The following MARCHF1 variants were observed in gnomAD, a reference collection of about 807,000 sequenced individuals.
MARCHF1 encodes the protein E3 ubiquitin-protein ligase MARCHF1.
Under a neutral mutation model 54.2 loss-of-function variants are expected in MARCHF1, and 40 were observed. The observed-to-expected ratio is 0.74, with a 90% confidence interval of 0.57 to 0.96. The LOEUF (loss-of-function observed/expected upper bound fraction) is 0.96. Among genes scored for constraint, MARCHF1 ranks in the 40% least tolerant of loss-of-function variants. The pLI, the probability that MARCHF1 is intolerant of heterozygous loss-of-function variation, is 0.00. For missense variants in MARCHF1, 586 were observed against 656.5 expected, an observed-to-expected ratio of 0.89 and a Z score of 1.17; for synonymous variants, 236 against 236.3, an observed-to-expected ratio of 1.00 and a Z score of 0.01.
chr4:163,600,773 A>G (rs191803583), intron 7 of MARCHF1, among the ~76,000 whole-genome samples: 1 of 152,318 alleles, frequency 6.6e-6, no homozygotes, highest in East Asian at 1.9e-4. Context: ...ACAAGCTGGT[A>G]AAAATCAGGC....
At chr4:163,912,313 G>C (rs565176413) in intron 3 of MARCHF1, among the ~76,000 whole-genome samples, 1 of 152,180 alleles carries the variant, frequency 6.6e-6, no homozygotes, top group Admixed American at 6.6e-5. Flanking sequence ...AATAGATACT[G>C]GCAGACAAGG....
chr4:164,214,474 C>A (rs983085924), intron 1 of MARCHF1, among the ~76,000 whole-genome samples: 7 of 151,598 alleles, frequency 4.6e-5, no homozygotes, highest in African/African-American at 1.5e-4. Context: ...TAAAAAAAAA[C>A]CCTCCACTTT....
intron 1 of MARCHF1, among the ~76,000 whole-genome samples, chr4:164,337,581 C>A (rs529131164): frequency 6.6e-6 from 1 of 152,312 alleles, no homozygotes; most frequent in Non-Finnish European, 1.5e-5. Context: ...CCTTAGTAAC[C>A]AATCTGTGGA....
chr4:163,710,403 G>A (rs1269765679), intron 4 of MARCHF1, among the ~76,000 whole-genome samples: 2 of 151,958 alleles, frequency 1.3e-5, no homozygotes, highest in Admixed American at 6.6e-5. Context: ...TATTAATCAC[G>A]ACCATGAATA....
At chr4:163,643,879 A>G (rs977072015) in intron 5 of MARCHF1, among the ~76,000 whole-genome samples, 7 of 152,152 alleles carry the variant, frequency 4.6e-5, no homozygotes, top group Admixed American at 6.5e-5. Context: ...AGAAAATTAT[A>G]TATATTCTTA....
chr4:164,079,659 T>A (rs1179637544), intron 2 of MARCHF1, among the ~76,000 whole-genome samples: 1 of 152,096 alleles, frequency 6.6e-6, no homozygotes, highest in Non-Finnish European at 1.5e-5. Context: ...TCCTAGGTAT[T>A]TATACTCATT....
intron 1 of MARCHF1, among the ~76,000 whole-genome samples, chr4:164,117,311 T>C (rs1755958805): frequency 6.6e-6 from 1 of 151,962 alleles, no homozygotes; most frequent in Non-Finnish European, 1.5e-5. Flanking sequence ...TCTGCTTGAA[T>C]ATAAATTTTT....
At chr4:164,150,658 T>C (rs575527148) in intron 1 of MARCHF1, among the ~76,000 whole-genome samples, 1 of 152,288 alleles carries the variant, frequency 6.6e-6, no homozygotes, top group Non-Finnish European at 1.5e-5. Context: ...GTCGATTCTC[T>C]TCTACTCTAG....
chr4:164,374,007 T>C (rs1731114157), intron 1 of MARCHF1, among the ~76,000 whole-genome samples: 1 of 152,250 alleles, frequency 6.6e-6, no homozygotes, highest in Non-Finnish European at 1.5e-5. Context: ...TTCTAATAGT[T>C]GATAACCAAC....
At chr4:164,268,472 C>T (rs891695560) in intron 1 of MARCHF1, among the ~76,000 whole-genome samples, 3 of 152,168 alleles carry the variant, frequency 2.0e-5, no homozygotes, top group Non-Finnish European at 2.9e-5. Context: ...TGAGCTCCCA[C>T]TGTCCATCTG....
chr4:163,756,878 T>C (rs896125878), intron 4 of MARCHF1, among the ~76,000 whole-genome samples: 1 of 151,964 alleles, frequency 6.6e-6, no homozygotes, highest in Non-Finnish European at 1.5e-5. Context: ...ATATCTCAAA[T>C]GAAAGAAAGC....
chr4:163,608,112 T>C (rs555166728), intron 7 of MARCHF1, among the ~76,000 whole-genome samples: 1 of 152,272 alleles, frequency 6.6e-6, no homozygotes, highest in South Asian at 2.1e-4. Flanking sequence ...TTCCAGGTAC[T>C]TTGGATTTTG....
intron 2 of MARCHF1, among the ~76,000 whole-genome samples, chr4:164,078,881 G>A (rs1406725140): frequency 6.6e-6 from 1 of 151,874 alleles, no homozygotes; most frequent in Non-Finnish European, 1.5e-5. Context: ...TAACAAACCT[G>A]CACGTTGTGC....
At chr4:164,031,412 T>C (rs1356290193) in intron 2 of MARCHF1, among the ~76,000 whole-genome samples, 3 of 136,336 alleles carry the variant, frequency 2.2e-5, no homozygotes, top group South Asian at 5.4e-4. Flanking sequence ...TAGTGGGGTA[T>C]CTATTATATT....
At chr4:163,760,144 A>G (rs1487625157) in intron 4 of MARCHF1, among the ~76,000 whole-genome samples, 1 of 152,146 alleles carries the variant, frequency 6.6e-6, no homozygotes, top group African/African-American at 2.4e-5. Flanking sequence ...GAGGCCACCC[A>G]CATTCTTTGG....
chr4:163,775,330 A>G (rs894859966), intron 4 of MARCHF1, among the ~76,000 whole-genome samples: 1 of 152,134 alleles, frequency 6.6e-6, no homozygotes, highest in African/African-American at 2.4e-5. Flanking sequence ...GTTTCCTCAT[A>G]GTATTTATGT....
chr4:163,794,959 C>T (rs1379461246), intron 4 of MARCHF1, among the ~76,000 whole-genome samples: 1 of 152,146 alleles, frequency 6.6e-6, no homozygotes, highest in African/African-American at 2.4e-5. Context: ...CCCCACCTTG[C>T]TCTATTTCCA....
intron 2 of MARCHF1, among the ~76,000 whole-genome samples, chr4:164,087,503 G>A (rs1755214447): frequency 6.6e-6 from 1 of 152,110 alleles, no homozygotes; most frequent in Non-Finnish European, 1.5e-5. Flanking sequence ...AAAATAGATA[G>A]TCAGGTAAAT....
chr4:163,639,981 T>C (rs745469328), intron 5 of MARCHF1, among the ~76,000 whole-genome samples: 1 of 152,128 alleles, frequency 6.6e-6, no homozygotes, highest in Non-Finnish European at 1.5e-5. Flanking sequence ...TGCCCTCATC[T>C]CACAGATCAC....
Sources: gnomAD v4.1 joint callset for allele counts (sites outside exome capture counted in the v4.1 genomes callset) on GRCh38, gnomAD v4.1.1 for gene constraint, MANE v1.5 for transcripts, NCBI Gene and HGNC (gene_info 2026-07-23, HGNC 2026-07-21) for gene names.